Variants in GPC5 observed in about 807,000 individuals in gnomAD.
The protein encoded by GPC5 is glypican-5.
Under a neutral mutation model 53.9 loss-of-function variants are expected in GPC5, and 47 were observed. That is an observed-to-expected ratio of 0.87 (90% CI 0.69 to 1.11). The LOEUF (loss-of-function observed/expected upper bound fraction) is 1.11. Among genes scored for constraint, GPC5 ranks in the 50% most tolerant of loss-of-function variants. GPC5 has a pLI of 0.00. For synonymous variants in GPC5, 286 were observed against 263.3 expected, an observed-to-expected ratio of 1.09 and a Z score of -0.84; for missense variants, 748 against 713.1, an observed-to-expected ratio of 1.05 and a Z score of -0.56.
intron 7 of GPC5, among the ~76,000 whole-genome samples, chr13:92,578,619 C>A (rs1279567683): frequency 6.6e-6 from 1 of 152,132 alleles, no homozygotes; most frequent in African/African-American, 2.4e-5. Context: ...GAAGAGAGAG[C>A]AAACTCACCT....
intron 7 of GPC5, among the ~76,000 whole-genome samples, chr13:92,627,945 T>C (rs572612119): frequency 2.1e-4 from 32 of 152,170 alleles, no homozygotes; most frequent in Non-Finnish European, 4.1e-4. Context: ...ATTTTTCTTT[T>C]TACTGCTCTC....
chr13:92,758,045 T>C (rs1151468), intron 7 of GPC5, among the ~76,000 whole-genome samples: 148,915 of 149,438 alleles, frequency 1, 74,198 homozygotes, highest in Middle Eastern at 1. Context: ...ATGTTTATTG[T>C]GGCACTATTC....
At chr13:92,134,258 A>G (rs914645310) in intron 6 of GPC5, among the ~76,000 whole-genome samples, 1 of 152,154 alleles carries the variant, frequency 6.6e-6, no homozygotes, top group Non-Finnish European at 1.5e-5. Context: ...GGAAGATGAC[A>G]TGGCATAACC....
At position 91,654,806 on chromosome 13, in the gene GPC5, C is replaced by T. The variant is rs549323387; in HGVS notation, c.326-38381C>T. On this transcript the variant is annotated intron_variant, in intron 2 of 7. Coordinates refer to ENST00000377067, the MANE Select transcript of GPC5 (RefSeq NM_004466.6). ...TTTACCCTATTATTAAGGCTTAAGC[C>T]CAGGTGGGGCTTGGCCCATTTTTGC... 1.6e-4 allele frequency among the ~76,000 whole-genome samples: 24 copies of T among 152,232 alleles called. No individual in the cohort carries two copies. The South Asian group carries it at 5.0e-3, about 32-fold the overall frequency.
chr13:91,751,395 A>G (rs1370793953), intron 4 of GPC5, among the ~76,000 whole-genome samples: 1 of 152,182 alleles, frequency 6.6e-6, no homozygotes, highest in African/African-American at 2.4e-5. Context: ...CCAACATACC[A>G]TTGGTTGAGA....
intron 7 of GPC5, among the ~76,000 whole-genome samples, chr13:92,799,874 C>A (rs1876836252): frequency 6.6e-6 from 1 of 151,648 alleles, no homozygotes; most frequent in Admixed American, 6.6e-5. Flanking sequence ...GAGGGAAGAA[C>A]ACAAAAATAC....
At chr13:91,911,335 G>C (rs1254011772) in intron 6 of GPC5, among the ~76,000 whole-genome samples, 3 of 152,104 alleles carry the variant, frequency 2.0e-5, no homozygotes, top group Admixed American at 6.6e-5. Flanking sequence ...CCTGAAGTCA[G>C]GAGTTTGAGA....
intron 7 of GPC5, among the ~76,000 whole-genome samples, chr13:92,758,994 GTTT>G (rs68182839): frequency 5.7e-5 from 4 of 70,574 alleles, no homozygotes; most frequent in East Asian, 6.3e-4. Context: ...TCCCATTGCG[GTTT>G]TTTTTTTTTT....
At chr13:91,928,581 T>G (rs529674154) in intron 6 of GPC5, among the ~76,000 whole-genome samples, 15 of 152,238 alleles carry the variant, frequency 9.9e-5, no homozygotes, top group African/African-American at 3.6e-4. Context: ...CAGGAAAAGA[T>G]GCTTAACTGT....
At chr13:92,286,743 G>A (rs1242734524) in intron 7 of GPC5, among the ~76,000 whole-genome samples, 1 of 147,202 alleles carries the variant, frequency 6.8e-6, no homozygotes, top group Non-Finnish European at 1.5e-5. Flanking sequence ...TGTGGGGTTG[G>A]GGGAGGGGGG....
intron 7 of GPC5, among the ~76,000 whole-genome samples, chr13:92,403,254 A>G (rs1179788412): frequency 6.6e-6 from 1 of 152,226 alleles, no homozygotes; most frequent in Admixed American, 6.5e-5. Context: ...AAAGCAATTT[A>G]AAACATATGT....
intron 7 of GPC5, among the ~76,000 whole-genome samples, chr13:92,584,494 G>A (rs1883472099): frequency 6.6e-6 from 1 of 152,108 alleles, no homozygotes; most frequent in South Asian, 2.1e-4. Context: ...AGGTGACTTG[G>A]GTGCTGTTAA....
At chr13:92,553,861 T>A (rs992524970) in intron 7 of GPC5, among the ~76,000 whole-genome samples, 7 of 151,978 alleles carry the variant, frequency 4.6e-5, no homozygotes, top group African/African-American at 1.7e-4. Flanking sequence ...TTTAACAGTT[T>A]GCCCAATGTA....
chr13:91,835,372 A>T (rs983946245), intron 5 of GPC5, among the ~76,000 whole-genome samples: 1 of 152,144 alleles, frequency 6.6e-6, no homozygotes, highest in Non-Finnish European at 1.5e-5. Flanking sequence ...TTAACTCAGC[A>T]ATCCAATTAC....
chr13:91,970,846 T>A (rs567844655), intron 6 of GPC5, among the ~76,000 whole-genome samples: 1 of 152,336 alleles, frequency 6.6e-6, no homozygotes, highest in East Asian at 1.9e-4. Flanking sequence ...AGCTTTTTGA[T>A]GTGCTGCTGG....
chr13:92,537,265 A>T (rs1881755992), intron 7 of GPC5, among the ~76,000 whole-genome samples: 1 of 152,154 alleles, frequency 6.6e-6, no homozygotes, highest in Non-Finnish European at 1.5e-5. Context: ...AAGAAAATTT[A>T]TCATGTCAGA....
At chr13:91,832,224 GC>G (rs2038668615) in intron 5 of GPC5, among the ~76,000 whole-genome samples, 1 of 151,268 alleles carries the variant, frequency 6.6e-6, no homozygotes. Flanking sequence ...TCAATGTAAT[GC>G]TCTTCTTTGT....
chr13:91,788,551 C>A (rs995819224), intron 5 of GPC5, among the ~76,000 whole-genome samples: 1 of 152,132 alleles, frequency 6.6e-6, no homozygotes, highest in Non-Finnish European at 1.5e-5. Flanking sequence ...GCTGCATAAT[C>A]CTTGATGGGG....
chr13:92,767,214 G>A (rs1382444130), intron 7 of GPC5, among the ~76,000 whole-genome samples: 1 of 152,174 alleles, frequency 6.6e-6, no homozygotes, highest in Non-Finnish European at 1.5e-5. Flanking sequence ...GCTCATGCCT[G>A]TAATCCCAGC....
Sources: gnomAD v4.1 joint callset for allele counts (sites outside exome capture counted in the v4.1 genomes callset) on GRCh38, gnomAD v4.1.1 for gene constraint, MANE v1.5 for transcripts, NCBI Gene and HGNC (gene_info 2026-07-23, HGNC 2026-07-21) for gene names.